Variants in DIAPH3 observed in about 807,000 individuals in gnomAD.
DIAPH3 encodes the protein diaphanous related formin 3.
In DIAPH3, 117 loss-of-function variants were observed where a neutral mutation model predicts 144.3. That is an observed-to-expected ratio of 0.81 (90% CI 0.70 to 0.95). The LOEUF is 0.95. Among genes scored for constraint, DIAPH3 ranks in the 40% least tolerant of loss-of-function variants. The pLI is 0.00. For synonymous variants in DIAPH3, 519 were observed against 488.9 expected (o/e 1.06, Z -0.81); for missense variants, 1,421 against 1,412.7 (o/e 1.01, Z -0.09).
chr13:60,021,767 G>C (rs1371879117), intron 5 of DIAPH3, among the ~76,000 whole-genome samples: 1 of 151,764 alleles, frequency 6.6e-6, no homozygotes, highest in Non-Finnish European at 1.5e-5. Flanking sequence ...TAGGTGGACT[G>C]AAAAACCTGG....
intron 17 of DIAPH3, among the ~76,000 whole-genome samples, chr13:59,955,992 A>G (rs929591611): frequency 6.6e-6 from 1 of 152,194 alleles, no homozygotes; most frequent in Non-Finnish European, 1.5e-5. Flanking sequence ...GCAGCAAAGC[A>G]TTCAAGATGT....
At chr13:59,787,764 C>T (rs1855501088) in intron 25 of DIAPH3, among the ~76,000 whole-genome samples, 1 of 152,060 alleles carries the variant, frequency 6.6e-6, no homozygotes, top group African/African-American at 2.4e-5. Flanking sequence ...CCCCCCCAAC[C>T]CCAAATTTAT....
chr13:59,765,602 A>G (rs2037827788), intron 27 of DIAPH3, among the ~76,000 whole-genome samples: 2 of 152,202 alleles, frequency 1.3e-5, no homozygotes. Context: ...ACTGTTTTTC[A>G]AGGTCAAACT....
chr13:59,859,395 G>C (rs879690848), intron 22 of DIAPH3, among the ~76,000 whole-genome samples: 5 of 152,098 alleles, frequency 3.3e-5, no homozygotes, highest in Non-Finnish European at 7.4e-5. Context: ...TTACAGTTCT[G>C]CAAGTCCTTA....
intron 17 of DIAPH3, among the ~76,000 whole-genome samples, chr13:59,935,100 T>C (rs2048203695): frequency 6.6e-6 from 1 of 152,188 alleles, no homozygotes; most frequent in Non-Finnish European, 1.5e-5. Flanking sequence ...ATGTAGTCAG[T>C]TTTCCATATT....
At chr13:60,161,960 T>C (rs1952315078) in intron 1 of DIAPH3, among the ~76,000 whole-genome samples, 1 of 152,166 alleles carries the variant, frequency 6.6e-6, no homozygotes, top group Admixed American at 6.5e-5. Context: ...AATTACCATA[T>C]AAGCAAGAAC....
intron 17 of DIAPH3, among the ~76,000 whole-genome samples, chr13:59,939,456 G>GTT (rs2048416348): frequency 6.6e-6 from 1 of 152,138 alleles, no homozygotes; most frequent in South Asian, 2.1e-4. Flanking sequence ...AAGGTGCATA[G>GTT]TGATAAAGCC....
chr13:60,060,419 T>C (rs994693141), intron 4 of DIAPH3, among the ~76,000 whole-genome samples: 1 of 152,056 alleles, frequency 6.6e-6, no homozygotes, highest in African/African-American at 2.4e-5. Flanking sequence ...GCCTGCATTG[T>C]TGTCACAATA....
intron 2 of DIAPH3, among the ~76,000 whole-genome samples, chr13:60,120,446 C>T (rs1367094854): frequency 2.0e-5 from 3 of 152,166 alleles, no homozygotes; most frequent in Admixed American, 6.5e-5. Flanking sequence ...TTGTATTTTA[C>T]TGGAATTTAT....
intron 25 of DIAPH3, among the ~76,000 whole-genome samples, chr13:59,798,652 C>T (rs1422524521): frequency 6.6e-6 from 1 of 152,164 alleles, no homozygotes; most frequent in African/African-American, 2.4e-5. Flanking sequence ...TCTCTCCCAC[C>T]CCAATGTGAG....
At chr13:60,089,392 T>C (rs1435624426) in intron 4 of DIAPH3, among the ~76,000 whole-genome samples, 9 of 152,210 alleles carry the variant, frequency 5.9e-5, no homozygotes, top group Admixed American at 6.5e-5. Context: ...TAATAAAGAA[T>C]GAGAACTATA....
intron 17 of DIAPH3, among the ~76,000 whole-genome samples, chr13:59,967,755 T>C (rs1383940896): frequency 6.6e-6 from 1 of 152,232 alleles, no homozygotes; most frequent in Non-Finnish European, 1.5e-5. Flanking sequence ...TAATGCTTTC[T>C]AGGAATTATT....
In DIAPH3 at chr13:59,810,820, T is replaced by C. The variant is rs79255785; in HGVS notation, c.3131A>G (p.Gln1044Arg). The C allele has an allele frequency of 5.9e-4, 952 of 1,613,690 alleles. 6 individuals are homozygous for C. The African/African-American group carries it at 0.011, about 18-fold the overall frequency. ...CATTTCTAATAAACGCTTTTTCTTT[T>C]GTTGGCGTTCGAGTCTTTCTCGCTC... The part of the protein sequence containing the change: ...LAERERLERQ[Q>R]KKKRLLEMKT... Residue 1044 changes from glutamine to arginine, a missense_variant, in exon 25 of 28, where the codon CAA (glutamine) becomes CGA (arginine). By Grantham distance (43) the Gln-to-Arg change is conservative (BLOSUM62 1). Transcript: ENST00000400324.
chr13:60,010,399 T>C, intron 8 of DIAPH3, 134 bp downstream of exon 8: 4 of 934,266 alleles, frequency 4.3e-6, no homozygotes, highest in Non-Finnish European at 4.6e-6. Flanking sequence ...AGAAACTATA[T>C]TAGCTGCTTA....
chr13:60,010,522 A>G lies in DIAPH3; in HGVS notation c.908+11T>C, dbSNP rs370891360. 5 of 1,566,940 alleles carry G rather than the reference A, an allele frequency of 3.2e-6. No homozygotes were observed. In the South Asian group the frequency reaches 3.5e-5, roughly 11 times the overall value. On this transcript the variant is annotated intron_variant, in intron 8 of 27. Transcript: ENST00000400324. ...ATTATATAATTAGGGGAATATGTTG[A>G]TAACACTTACATGCTTTCTTCCCCT...
chr13:59,994,727 T>C (rs1437318232), intron 9 of DIAPH3, among the ~76,000 whole-genome samples: 3 of 151,850 alleles, frequency 2.0e-5, no homozygotes, highest in Non-Finnish European at 2.9e-5. Context: ...CATGGAACCT[T>C]TAAATTACAA....
chr13:60,094,798 T>C (rs17057616), intron 3 of DIAPH3, among the ~76,000 whole-genome samples: 7,402 of 152,266 alleles, frequency 0.049, 283 homozygotes, highest in African/African-American at 0.096. Flanking sequence ...AAAATTCCCT[T>C]CATTTTACCT....
intron 25 of DIAPH3, among the ~76,000 whole-genome samples, chr13:59,802,406 T>C (rs1206526586): frequency 6.6e-6 from 1 of 151,640 alleles, no homozygotes; most frequent in Non-Finnish European, 1.5e-5. Context: ...TCATTAATTT[T>C]ATCAATATAT....
chr13:60,119,648 G>A (rs904592789), intron 2 of DIAPH3, among the ~76,000 whole-genome samples: 2 of 147,264 alleles, frequency 1.4e-5, no homozygotes, highest in Non-Finnish European at 3.0e-5. Context: ...TTGGGAGGCT[G>A]AGGTAGGAGA....
Sources: gnomAD v4.1 joint callset for allele counts (sites outside exome capture counted in the v4.1 genomes callset) on GRCh38, gnomAD v4.1.1 for gene constraint, MANE v1.5 for transcripts, NCBI Gene and HGNC (gene_info 2026-07-23, HGNC 2026-07-21) for gene names.